DIAPH2: variants seen among roughly 807,000 people sequenced by gnomAD.
DIAPH2 encodes protein diaphanous homolog 2.
DIAPH2 carries 35 observed loss-of-function variants against 92.7 expected under a neutral mutation model. That is an observed-to-expected ratio of 0.38 (90% confidence interval 0.29 to 0.50). The LOEUF (loss-of-function observed/expected upper bound fraction) is 0.50, where lower values mean the gene tolerates loss of function less well. Ranked by LOEUF, DIAPH2 falls within the 20% of genes least tolerant of loss-of-function variation. The pLI is 0.94. For missense variants in DIAPH2, 701 were observed against 819.5 expected (o/e 0.86, Z 1.77); for synonymous variants, 301 against 280.4 (o/e 1.07, Z -0.73).
chrX:97,122,176 A>C (rs1375367253), intron 21 of DIAPH2, among the ~76,000 whole-genome samples: 3 of 111,392 alleles, frequency 2.7e-5, no homozygotes, highest in East Asian at 5.6e-4. Flanking sequence ...CCTCATGTGA[A>C]TTTTCTTGGC....
rs1389081376 is a variant in DIAPH2 at position 96,734,584 on chromosome X, G to A, written c.133-1174G>A. On this transcript the variant is annotated intron_variant, in intron 1 of 26. Transcript: ENST00000324765. ...ATAATTCCCACTTTTTTCCTAGGCAGTAAAGATTGATTGGGGTTTGTGTCA... is the reference window on the plus strand; with the variant it reads ...ATAATTCCCACTTTTTTCCTAGGCAATAAAGATTGATTGGGGTTTGTGTCA... Among the ~76,000 whole-genome samples, 5 of 111,715 alleles carry A rather than the reference G, an allele frequency of 4.5e-5. No individual in the cohort carries two copies. In the Admixed American group the frequency reaches 4.8e-4, roughly 11 times the overall value.
chrX:97,005,902 GT>G (rs1397414087), intron 17 of DIAPH2, among the ~76,000 whole-genome samples: 2 of 77,441 alleles, frequency 2.6e-5, no homozygotes, highest in East Asian at 4.5e-4. Flanking sequence ...TTTATTTGAA[GT>G]TTTTCTTTTT....
chrX:97,230,238 G>T (rs1460583359), intron 22 of DIAPH2, among the ~76,000 whole-genome samples: 1 of 111,606 alleles, frequency 9.0e-6, no homozygotes, highest in African/African-American at 3.2e-5. Context: ...AATGTATTCA[G>T]AATTCTTATA....
At chrX:97,366,180 T>C (rs2069379465) in intron 24 of DIAPH2, among the ~76,000 whole-genome samples, 1 of 111,925 alleles carries the variant, frequency 8.9e-6, no homozygotes, top group Non-Finnish European at 1.9e-5. Flanking sequence ...ACCATGTTTG[T>C]AATTGGTAAT....
chrX:96,756,994 T>C (rs2064234745), intron 3 of DIAPH2, among the ~76,000 whole-genome samples: 1 of 98,544 alleles, frequency 1.0e-5, no homozygotes, highest in African/African-American at 3.7e-5. Context: ...CTCAGCTCAC[T>C]GCAAGCTCTG....
chrX:96,991,882 G>A (rs184721286), intron 17 of DIAPH2, among the ~76,000 whole-genome samples: 2 of 111,330 alleles, frequency 1.8e-5, no homozygotes, highest in African/African-American at 6.5e-5. Context: ...TGTACTTTAA[G>A]TGCAGTTACT....
chrX:97,350,651 A>T (rs765963302), intron 24 of DIAPH2, among the ~76,000 whole-genome samples: 9 of 112,332 alleles, frequency 8.0e-5, no homozygotes, highest in South Asian at 3.7e-4. Flanking sequence ...GACTTTGAGT[A>T]AGTCATTTGT....
chrX:97,369,306 G>A (rs904710798), intron 24 of DIAPH2, among the ~76,000 whole-genome samples: 24 of 111,236 alleles, frequency 2.2e-4, no homozygotes, highest in African/African-American at 7.8e-4. Flanking sequence ...AATACATAAT[G>A]GATATATTAA....
chrX:97,411,373 A>AG (rs1239987177), intron 25 of DIAPH2, among the ~76,000 whole-genome samples: 1 of 112,113 alleles, frequency 8.9e-6, no homozygotes, highest in Non-Finnish European at 1.9e-5. Flanking sequence ...TGTCACCACC[A>AG]GCCTGCCTTA....
intron 19 of DIAPH2, among the ~76,000 whole-genome samples, chrX:97,083,097 G>A (rs1200904658): frequency 2.7e-5 from 3 of 111,501 alleles, no homozygotes; most frequent in African/African-American, 6.5e-5. Flanking sequence ...CTTTTTGCAA[G>A]GTTCTATTAT....
At chrX:97,188,629 C>T (rs1018630608) in intron 22 of DIAPH2, among the ~76,000 whole-genome samples, 1 of 111,888 alleles carries the variant, frequency 8.9e-6, no homozygotes, top group African/African-American at 3.2e-5. Flanking sequence ...ATAGTTTAAC[C>T]ACCATAGGAA....
At chrX:97,186,233 A>G (rs1400994197) in intron 22 of DIAPH2, among the ~76,000 whole-genome samples, 1 of 111,810 alleles carries the variant, frequency 8.9e-6, no homozygotes, top group African/African-American at 3.2e-5. Flanking sequence ...TGTAAATTTA[A>G]CAAGTATACC....
chrX:96,899,842 C>G (rs1182467015), intron 5 of DIAPH2, among the ~76,000 whole-genome samples: 1 of 110,552 alleles, frequency 9.0e-6, no homozygotes, highest in Non-Finnish European at 1.9e-5. Flanking sequence ...TTTGCCCATT[C>G]AGTATGATAT....
intron 26 of DIAPH2, among the ~76,000 whole-genome samples, chrX:97,569,108 C>T (rs1332181672): frequency 9.0e-6 from 1 of 111,731 alleles, no homozygotes; most frequent in African/African-American, 3.2e-5. Context: ...AAATACCCAG[C>T]TCACTGTAAA....
At chrX:97,160,682 T>C (rs1340557055) in intron 22 of DIAPH2, among the ~76,000 whole-genome samples, 4 of 111,881 alleles carry the variant, frequency 3.6e-5, no homozygotes, top group Admixed American at 2.8e-4. Flanking sequence ...TGATGAAACC[T>C]TTCAGCAGCT....
At chrX:97,571,063 G>T (rs2071366718) in intron 26 of DIAPH2, among the ~76,000 whole-genome samples, 1 of 111,676 alleles carries the variant, frequency 9.0e-6, no homozygotes. Flanking sequence ...GTAAGTCACA[G>T]TTGGTGGGCA....
At chrX:97,301,042 G>A (rs1269773505) in intron 23 of DIAPH2, among the ~76,000 whole-genome samples, 3 of 96,153 alleles carry the variant, frequency 3.1e-5, no homozygotes, top group Non-Finnish European at 6.1e-5. Flanking sequence ...AGTGGCTCAC[G>A]CCTGTAATCC....
At position 97,583,898 on chromosome X, in the gene DIAPH2, G is replaced by A. The variant is rs765102447; in HGVS notation, c.3242-15355G>A. Among the ~76,000 whole-genome samples, 13 of 112,508 alleles carry A rather than the reference G, an allele frequency of 1.2e-4. No individual in the cohort carries two copies. In the South Asian group the frequency reaches 2.2e-3, roughly 19 times the overall value. ...TGGTGCGCCATTTTTTAAGCCCTTC[G>A]GAAAAGCGCAGTATTCGGGTGGGAG... On this transcript the variant is annotated intron_variant, in intron 26 of 26. Coordinates refer to ENST00000324765, the MANE Select transcript of DIAPH2 (RefSeq NM_006729.5).
At chrX:96,963,267 G>A (rs1331605780) in intron 16 of DIAPH2, among the ~76,000 whole-genome samples, 2 of 111,368 alleles carry the variant, frequency 1.8e-5, no homozygotes, top group Non-Finnish European at 3.8e-5. Flanking sequence ...TCTCATTGCT[G>A]GATCTAGCCA....
Sources: allele counts gnomAD v4.1 joint callset (sites outside exome capture counted in the v4.1 genomes callset), GRCh38; gene constraint gnomAD v4.1.1; transcripts MANE v1.5; gene names NCBI Gene and HGNC (gene_info 2026-07-23, HGNC 2026-07-21).